RAPH1: variants seen among roughly 807,000 people sequenced by gnomAD.
The protein encoded by RAPH1 is ras-associated and pleckstrin homology domains-containing protein 1.
In RAPH1, 18 loss-of-function variants were observed where a neutral mutation model predicts 88.1. That is an observed-to-expected ratio of 0.20 (90% CI 0.14 to 0.30). RAPH1 has a LOEUF of 0.30. Ranked by LOEUF, RAPH1 falls within the 10% of genes least tolerant of loss-of-function variation. The pLI is 1.00. For synonymous variants in RAPH1, 587 were observed against 559.0 expected, an observed-to-expected ratio of 1.05 and a Z score of -0.71; for missense variants, 1,448 against 1,543.2, an observed-to-expected ratio of 0.94 and a Z score of 1.03.
chr2:203,440,811 A>C lies in RAPH1; in HGVS notation c.2379T>G (p.Thr793=). The change falls in exon 14 of 14, where the codon ACT becomes ACG. Residue 793 remains threonine (T), a synonymous_variant. Transcript: ENST00000319170. ...CAGCTTGAGTCACAACAGGTGCCAC[A>C]GTCTTGGTGCTGGTTGGTGCGGGGA... The part of the protein sequence containing the change: ...VTIPAPTSTK[T]VAPVVTQAAP... 7.4e-7 allele frequency: 1 copy of C among 1,344,782 alleles called. No homozygotes were observed. The highest frequency in any genetic ancestry group is 9.8e-7 in the Non-Finnish European group (1 of 1,016,730). The allele number at this position is 1,344,782 out of a possible 1,614,324, so 83.3% of individuals were successfully genotyped here.
chr2:203,460,058 T>A (rs201888391), intron 6 of RAPH1, 30 bp from the exon 7 acceptor site: 1 of 1,576,672 alleles, frequency 6.3e-7, no homozygotes, highest in African/African-American at 1.4e-5. Flanking sequence ...CCGTATTTTG[T>A]TAGTATTCAT....
chr2:203,469,683 A>T (rs544613899), intron 4 of RAPH1, among the ~76,000 whole-genome samples: 5 of 152,358 alleles, frequency 3.3e-5, no homozygotes, highest in African/African-American at 1.2e-4. Context: ...TTTCAAATGG[A>T]TATAAAATAC....
chr2:203,435,038 C>A lies in RAPH1; in HGVS notation c.*4399G>T, dbSNP rs947099281. On this transcript the variant is annotated 3_prime_UTR_variant, in exon 14 of 14. Coordinates refer to ENST00000319170, the MANE Select transcript of RAPH1 (RefSeq NM_213589.3). ...ACTGGGGGTTTACAGCAAGTATTTT[C>A]TCTTTAAAACGGTTTATTACTTCAA... 4 of 152,734 alleles carry A rather than the reference C, an allele frequency of 2.6e-5. No individual in the cohort carries two copies. The highest frequency in any genetic ancestry group is 2.0e-4 in the Admixed American group (3 of 15,306). 9.5% of individuals were successfully genotyped at this position (152,734 alleles called of 1,614,324 possible).
intron 13 of RAPH1, chr2:203,444,520 C>T (rs1471793955): frequency 1.8e-5 from 5 of 279,734 alleles, no homozygotes; most frequent in Non-Finnish European, 3.3e-5. Context: ...AGGGCATTTG[C>T]AATAGATGGT....
chr2:203,486,585 T>C (rs1291553966), intron 4 of RAPH1, among the ~76,000 whole-genome samples: 2 of 152,186 alleles, frequency 1.3e-5, no homozygotes, highest in East Asian at 1.9e-4. Flanking sequence ...TGAGCAAAAA[T>C]TGCTTACCTC....
chr2:203,472,078 A>G (rs2098533625), intron 4 of RAPH1, among the ~76,000 whole-genome samples: 1 of 152,010 alleles, frequency 6.6e-6, no homozygotes, highest in Non-Finnish European at 1.5e-5. Context: ...AAAAACAAAG[A>G]ACAAAAAGCA....
chr2:203,508,221 CAAAAAAAA>C (rs768340713), intron 1 of RAPH1, among the ~76,000 whole-genome samples: 3 of 58,578 alleles, frequency 5.1e-5, no homozygotes, highest in African/African-American at 1.5e-4. Context: ...GACTCTGTCT[CAAAAAAAA>C]AAAAAAAAAA....
chr2:203,475,224 G>A (rs1478710373), intron 4 of RAPH1, among the ~76,000 whole-genome samples: 2 of 152,120 alleles, frequency 1.3e-5, no homozygotes, highest in East Asian at 3.9e-4. Context: ...TGGCTAACAT[G>A]GTGAAACCCC....
At chr2:203,450,781 C>A (rs1284041534) in intron 10 of RAPH1, among the ~76,000 whole-genome samples, 1 of 152,216 alleles carries the variant, frequency 6.6e-6, no homozygotes, top group Non-Finnish European at 1.5e-5. Flanking sequence ...TGGCTCGCAA[C>A]TGTATCACCA....
chr2:203,520,096 G>T (rs1156373453), intron 1 of RAPH1, among the ~76,000 whole-genome samples: 1 of 152,128 alleles, frequency 6.6e-6, no homozygotes, highest in East Asian at 1.9e-4. Context: ...GGGAGGCTAA[G>T]GTGGGTGGAT....
In RAPH1 at chr2:203,440,256, G is replaced by A. The variant is rs2098502259; in HGVS notation, c.2934C>T (p.Asn978=). 2 of 1,614,022 alleles carry A rather than the reference G, an allele frequency of 1.2e-6. No individual in the cohort carries two copies. Among genetic ancestry groups the A allele is most frequent in the Non-Finnish European group, 1.7e-6 (2 of 1,179,996 alleles). The change falls in exon 14 of 14, where the codon AAC becomes AAT. Residue 978 remains asparagine, a synonymous_variant. Transcript: ENST00000319170. ...CACCACTGCTGGATTTAATGCTGGA[G>A]TTGCGCTGTGGGGTTGGGGGTGGTT... ...GKKPPPTPQR[N]SSIKSSSGAE... is the part of the protein sequence containing the mutation.
intron 12 of RAPH1, chr2:203,447,170 T>C (rs1160634115): frequency 7.0e-6 from 1 of 143,552 alleles, no homozygotes; most frequent in Non-Finnish European, 1.5e-5. Flanking sequence ...AGCCTTGGTT[T>C]TCTTTTCTTT....
At position 203,437,913 on chromosome 2, in the gene RAPH1, C is replaced by T. The variant is rs1314375567; in HGVS notation, c.*1524G>A. The T allele has an allele frequency of 1.4e-5, 4 of 278,414 alleles. No homozygotes were observed. Among genetic ancestry groups the T allele is most frequent in the Non-Finnish European group, 2.8e-5 (4 of 142,280 alleles). The allele number at this position is 278,414 out of a possible 1,614,324, so 17.2% of individuals were successfully genotyped here. A position where few individuals can be genotyped will look rare whatever the true frequency, so the allele number is the denominator to read the frequency against. On this transcript the variant is annotated 3_prime_UTR_variant, in exon 14 of 14. Transcript: ENST00000319170. ...TGCTGGGATGGCCCATTTTTATTCT[C>T]TTGTTTAGGAGCTGCTCTGAGATTG...
intron 4 of RAPH1, among the ~76,000 whole-genome samples, chr2:203,464,292 G>A (rs2098526682): frequency 6.6e-6 from 1 of 152,196 alleles, no homozygotes; most frequent in Admixed American, 6.6e-5. Context: ...TTTTTGAGAT[G>A]ATGGAGTCTT....
At chr2:203,519,222 T>C (rs771496311) in intron 1 of RAPH1, among the ~76,000 whole-genome samples, 4 of 152,140 alleles carry the variant, frequency 2.6e-5, no homozygotes, top group Non-Finnish European at 5.9e-5. Flanking sequence ...CATTATCTCA[T>C]GAACATAGAT....
chr2:203,487,567 TAG>T (rs1688028896), intron 4 of RAPH1, among the ~76,000 whole-genome samples: 1 of 152,040 alleles, frequency 6.6e-6, no homozygotes, highest in African/African-American at 2.4e-5. Flanking sequence ...GTATTTTTAG[TAG>T]AGACAGGGTT....
At chr2:203,523,737 T>C (rs1370830880) in intron 1 of RAPH1, among the ~76,000 whole-genome samples, 1 of 152,192 alleles carries the variant, frequency 6.6e-6, no homozygotes, top group Admixed American at 6.5e-5. Context: ...CCAGGAGCAG[T>C]GGCTCAGGCC....
chr2:203,511,513 G>T (rs192868377), intron 1 of RAPH1, among the ~76,000 whole-genome samples: 1 of 152,262 alleles, frequency 6.6e-6, no homozygotes, highest in African/African-American at 2.4e-5. Context: ...ATTAACAAAT[G>T]ACTATTAGTA....
At chr2:203,452,483 G>A (rs1461173869) in intron 10 of RAPH1, among the ~76,000 whole-genome samples, 1 of 152,114 alleles carries the variant, frequency 6.6e-6, no homozygotes, top group Admixed American at 6.6e-5. Flanking sequence ...TAATTTAGTT[G>A]CTTCTTCACA....
Sources: gnomAD v4.1 joint callset for allele counts (sites outside exome capture counted in the v4.1 genomes callset) on GRCh38, gnomAD v4.1.1 for gene constraint, MANE v1.5 for transcripts, NCBI Gene and HGNC (gene_info 2026-07-23, HGNC 2026-07-21) for gene names.